ZNF469: variants seen among roughly 807,000 people sequenced by gnomAD.
ZNF469 encodes zinc finger protein 469.
A neutral mutation model predicts 1.0 loss-of-function variants in ZNF469; 1 was observed. The observed-to-expected ratio is 1.00, with a 90% CI of 0.35 to 4.73. The LOEUF (loss-of-function observed/expected upper bound fraction) is 4.73, where lower values mean the gene tolerates loss of function less well. ZNF469 is among the 30% of genes most tolerant of loss of function. The probability of loss-of-function intolerance (pLI) is 0.16; values close to 1 mark genes in which losing one functional copy is unlikely to be tolerated. For missense variants in ZNF469, 6,100 were observed against 5,356.3 expected, an observed-to-expected ratio of 1.14 and a Z score of -4.33; for synonymous variants, 2,703 against 2,363.4, an observed-to-expected ratio of 1.14 and a Z score of -4.17.
chr16:88,132,509 T>C, the ZNF469 span, among the ~76,000 whole-genome samples: 1 of 152,174 alleles, frequency 6.6e-6, no homozygotes, highest in African/African-American at 2.4e-5. Context: ...CACGTGGCCG[T>C]CCAGTGTCAC....
the ZNF469 span, among the ~76,000 whole-genome samples, chr16:88,309,738 G>C: frequency 6.6e-6 from 1 of 150,836 alleles, no homozygotes; most frequent in East Asian, 2.0e-4. Context: ...AGGACACCTG[G>C]CGGGGGGGTG....
the ZNF469 span, among the ~76,000 whole-genome samples, chr16:88,301,839 C>T: frequency 6.6e-6 from 1 of 152,176 alleles, no homozygotes; most frequent in African/African-American, 2.4e-5. Flanking sequence ...GATCTCCACT[C>T]GGGGCTCAGC....
the ZNF469 span, among the ~76,000 whole-genome samples, chr16:88,309,141 C>A: frequency 1.3e-5 from 2 of 152,242 alleles, no homozygotes; most frequent in Non-Finnish European, 2.9e-5. Context: ...CATACCTGAT[C>A]CTGCCCTGTG....
At chr16:88,245,916 G>T in the ZNF469 span, among the ~76,000 whole-genome samples, 2 of 152,300 alleles carry the variant, frequency 1.3e-5, no homozygotes, top group Admixed American at 1.3e-4. Flanking sequence ...GGCTGGAGCA[G>T]TACATAGCCC....
At chr16:88,142,541 TATC>T in the ZNF469 span, among the ~76,000 whole-genome samples, 6 of 152,146 alleles carry the variant, frequency 3.9e-5, no homozygotes, top group Non-Finnish European at 7.4e-5. Context: ...AGAAGGTCCT[TATC>T]AACAGCACAG....
the ZNF469 span, among the ~76,000 whole-genome samples, chr16:88,249,429 C>CTTTTTTTTTTTTTTTTTT: frequency 4.7e-5 from 3 of 63,614 alleles, no homozygotes; most frequent in African/African-American, 1.7e-4. Context: ...TTTTCTTTTT[C>CTTTTTTTTTTTTTTTTTT]TTTTTTTTTT....
the ZNF469 span, among the ~76,000 whole-genome samples, chr16:88,101,581 G>T: frequency 4.0e-5 from 6 of 151,774 alleles, no homozygotes; most frequent in African/African-American, 1.5e-4. Context: ...ACAAAGTGTG[G>T]AGGCAGAAGG....
At chr16:88,217,120 C>T in the ZNF469 span, among the ~76,000 whole-genome samples, 1 of 151,622 alleles carries the variant, frequency 6.6e-6, no homozygotes, top group Non-Finnish European at 1.5e-5. Flanking sequence ...TGTGGTCCTG[C>T]CTTTGGTCAT....
chr16:88,202,973 A>C, the ZNF469 span, among the ~76,000 whole-genome samples: 6 of 152,264 alleles, frequency 3.9e-5, no homozygotes, highest in Admixed American at 3.9e-4. Context: ...GTCTCTGTGC[A>C]GTGCAGGCAG....
chr16:88,112,030 T>C, the ZNF469 span, among the ~76,000 whole-genome samples: 1 of 152,234 alleles, frequency 6.6e-6, no homozygotes, highest in African/African-American at 2.4e-5. Flanking sequence ...TCGTTCTTTT[T>C]TGTGGCTGAA....
In ZNF469 at chr16:88,433,680, G is replaced by T; in HGVS notation, c.6210G>T (p.Leu2070Phe). The T allele has an allele frequency of 6.5e-7, 1 of 1,549,736 alleles. No individual in the cohort carries two copies. Among genetic ancestry groups the T allele is most frequent in the Non-Finnish European group, 8.7e-7 (1 of 1,146,736 alleles). Residue 2070 changes from leucine to phenylalanine, a missense_variant, in exon 3 of 3, where the codon TTG (leucine) becomes TTT (phenylalanine). Coordinates refer to ENST00000565624, the MANE Select transcript of ZNF469 (RefSeq NM_001367624.2). ...ATAGGGAGTCCCTGGCGCTGGCCTT[G>T]ACAGCAGCCCACAGCCGAAGTGGAT... is the stretch of plus-strand genomic sequence containing the variant. ...SPNRESLALA[L>F]TAAHSRSGSE...
At chr16:88,403,596 A>T (rs1904944437) in intron 1 of ZNF469, among the ~76,000 whole-genome samples, 1 of 152,202 alleles carries the variant, frequency 6.6e-6, no homozygotes, top group South Asian at 2.1e-4. Flanking sequence ...GGGGTGGGCG[A>T]GGGTGGCAGA....
Position 88,437,394 on chromosome 16 carries a change from C to A in ZNF469, c.9924C>A (p.Thr3308=). The change falls in exon 3 of 3, where the codon ACC becomes ACA. Residue 3308 remains threonine, a synonymous_variant. Transcript: ENST00000565624. ...DAGSPGPPRT[T]PSPSPDPWAG... ...GCAGCCCGGGCCCCCCCAGGACGACCCCCAGCCCGTCCCCCGACCCCTGGG... is the reference window on the plus strand; with the variant it reads ...GCAGCCCGGGCCCCCCCAGGACGACACCCAGCCCGTCCCCCGACCCCTGGG... 1.3e-6 allele frequency: 2 copies of A among 1,532,984 alleles called. No individual in the cohort carries two copies. The highest frequency in any genetic ancestry group is 1.8e-6 in the Non-Finnish European group (2 of 1,138,822). 95.0% of individuals were successfully genotyped at this position (1,532,984 alleles called of 1,614,324 possible).
the ZNF469 span, among the ~76,000 whole-genome samples, chr16:88,259,046 C>T: frequency 2.0e-5 from 3 of 152,258 alleles, no homozygotes; most frequent in Non-Finnish European, 2.9e-5. The surrounding 1 kb of genome is among the most constrained non-coding windows in gnomAD (Gnocchi z 4.1). Flanking sequence ...CCTCTTGACC[C>T]AGCTTAGCTC....
chr16:88,228,218 G>C, the ZNF469 span, among the ~76,000 whole-genome samples: 1 of 152,258 alleles, frequency 6.6e-6, no homozygotes, highest in Non-Finnish European at 1.5e-5. Flanking sequence ...GTGGGCTGTG[G>C]AGCAGGGGGA....
upstream of ZNF469, among the ~76,000 whole-genome samples, chr16:88,380,969 C>T (rs960941821): frequency 2.1e-5 from 3 of 144,430 alleles, no homozygotes; most frequent in Non-Finnish European, 4.5e-5. Context: ...CACAGACATG[C>T]ACTCACACAT....
chr16:88,429,770 C>T lies in ZNF469; in HGVS notation c.2300C>T (p.Ser767Phe). 6.5e-7 allele frequency: 1 copy of T among 1,544,880 alleles called. No individual in the cohort carries two copies. Among genetic ancestry groups the T allele is most frequent in the Non-Finnish European group, 8.7e-7 (1 of 1,144,860 alleles). ...AGGGCCAAGGATGGCCACCAGCGGTCTCCAGGCCCCCCTGGGCTCCCCTCG... is the reference window on the plus strand; with the variant it reads ...AGGGCCAAGGATGGCCACCAGCGGTTTCCAGGCCCCCCTGGGCTCCCCTCG... The part of the protein sequence containing the change: ...LARAKDGHQR[S>F]PGPPGLPSPP... Residue 767 changes from serine to phenylalanine, a missense_variant, in exon 3 of 3, where the codon TCT (serine) becomes TTT (phenylalanine). Transcript: ENST00000565624.
chr16:88,410,608 C>T (rs1337738740), intron 1 of ZNF469, among the ~76,000 whole-genome samples: 1 of 139,500 alleles, frequency 7.2e-6, no homozygotes, highest in African/African-American at 2.7e-5. Flanking sequence ...GAGAAGTTCA[C>T]GGTGCAGGTC....
At chr16:88,305,633 T>C in the ZNF469 span, among the ~76,000 whole-genome samples, 1 of 133,140 alleles carries the variant, frequency 7.5e-6, no homozygotes, top group Non-Finnish European at 1.6e-5. Context: ...TGCACACACA[T>C]TCTCACAGGC....
Sources: allele counts gnomAD v4.1 joint callset (sites outside exome capture counted in the v4.1 genomes callset), GRCh38; gene constraint gnomAD v4.1.1; non-coding constraint Gnocchi (gnomAD v3.1); transcripts MANE v1.5; gene names NCBI Gene and HGNC (gene_info 2026-07-23, HGNC 2026-07-21).